The following RTF1 variants were observed in gnomAD, a reference collection of about 807,000 sequenced individuals.
RTF1 encodes the protein RTF1 homolog, Paf1/RNA polymerase II complex component, also known as RNA polymerase-associated protein RTF1 homolog.
Under a neutral mutation model 95.7 loss-of-function variants are expected in RTF1, and 10 were observed. The ratio of observed to expected loss-of-function variants is 0.10; its 90% CI spans 0.06 to 0.18. The LOEUF is 0.18. Ranked by LOEUF, RTF1 falls within the 10% of genes least tolerant of loss-of-function variation. The probability of loss-of-function intolerance (pLI) is 1.00; values close to 1 mark genes in which losing one functional copy is unlikely to be tolerated. For synonymous variants in RTF1, 305 were observed against 311.8 expected, an observed-to-expected ratio of 0.98 and a Z score of 0.23; for missense variants, 458 against 875.6, an observed-to-expected ratio of 0.52 and a Z score of 6.02.
intron 4 of RTF1, among the ~76,000 whole-genome samples, chr15:41,459,725 A>G (rs1192651952): frequency 6.6e-6 from 1 of 152,200 alleles, no homozygotes; most frequent in Non-Finnish European, 1.5e-5. Flanking sequence ...ACTATCCTCT[A>G]GCATGGTTTT....
intron 2 of RTF1, among the ~76,000 whole-genome samples, chr15:41,442,995 G>A (rs1053737743): frequency 3.9e-5 from 6 of 152,034 alleles, no homozygotes; most frequent in South Asian, 2.1e-4. Context: ...CTCTCATACC[G>A]TTTCTTTTCA....
At chr15:41,465,006 A>G (rs1234797045) in intron 5 of RTF1, 121 bp downstream of exon 5, 1 of 1,350,494 alleles carries the variant, frequency 7.4e-7, no homozygotes, top group Non-Finnish European at 9.5e-7. Flanking sequence ...AGTTTATAAG[A>G]CTTGTGACAT....
At chr15:41,442,293 G>A (rs554358976) in intron 2 of RTF1, among the ~76,000 whole-genome samples, 4 of 151,214 alleles carry the variant, frequency 2.6e-5, no homozygotes, top group Non-Finnish European at 5.9e-5. Flanking sequence ...TCAGCCTCCC[G>A]AGCAGCTGGG....
chr15:41,417,708 C>T (rs1475756257), intron 1 of RTF1, among the ~76,000 whole-genome samples: 2 of 152,108 alleles, frequency 1.3e-5, no homozygotes, highest in African/African-American at 4.8e-5. Flanking sequence ...GGAGGAGGTG[C>T]AAGGGTGCGC....
chr15:41,455,458 G>GT lies in RTF1; in HGVS notation c.458-2213dup, dbSNP rs568124900. On this transcript the variant is annotated intron_variant, in intron 3 of 17. Coordinates refer to ENST00000389629, the MANE Select transcript of RTF1 (RefSeq NM_015138.5). ...ACTAAGGAACGGAAAACCAAATATA[G>GT]TATGTTCTCATGTATAAGTGGTGTT... Among the ~76,000 whole-genome samples, 38 of 152,268 alleles carry GT rather than the reference G, an allele frequency of 2.5e-4. No homozygotes were observed. The East Asian group carries it at 5.4e-3, about 22-fold the overall frequency.
Position 41,471,357 on chromosome 15 carries a change from T to A in RTF1, c.1203+8T>A. 6.2e-7 allele frequency: 1 copy of A among 1,603,646 alleles called. No homozygotes were observed. Among genetic ancestry groups the A allele is most frequent in the South Asian group, 1.1e-5 (1 of 88,956 alleles). ...AGCAAACCAGTTTACCGGGTTGGTA[T>A]TTCTTCCCTTGGACAATTGTCCATG... On this transcript the variant is annotated splice_region_variant and intron_variant, in intron 8 of 17. Transcript: ENST00000389629.
At chr15:41,452,281 C>G (rs1319013135) in intron 2 of RTF1, among the ~76,000 whole-genome samples, 1 of 151,820 alleles carries the variant, frequency 6.6e-6, no homozygotes. Flanking sequence ...ACAAAAAATA[C>G]ACAGCTTAGC....
intron 2 of RTF1, among the ~76,000 whole-genome samples, chr15:41,450,814 G>A (rs2050786215): frequency 6.6e-6 from 1 of 151,870 alleles, no homozygotes; most frequent in Non-Finnish European, 1.5e-5. Context: ...AGCTGGGCAT[G>A]ATGGTGCACA....
intron 1 of RTF1, among the ~76,000 whole-genome samples, chr15:41,419,147 C>T (rs1198674501): frequency 1.3e-5 from 2 of 152,046 alleles, no homozygotes; most frequent in Admixed American, 6.6e-5. Context: ...AGTATAATTT[C>T]GACTGTAAAA....
At chr15:41,424,567 C>T (rs149627855) in intron 1 of RTF1, among the ~76,000 whole-genome samples, 7 of 152,162 alleles carry the variant, frequency 4.6e-5, no homozygotes, top group African/African-American at 1.4e-4. Context: ...CTACACTCAG[C>T]AGTAAAAATA....
Position 41,438,436 on chromosome 15 carries a change from G to C in RTF1, c.309+5G>C. The C allele has an allele frequency of 6.5e-7, 1 of 1,543,390 alleles. No homozygotes were observed. Among genetic ancestry groups the C allele is most frequent in the East Asian group, 2.4e-5 (1 of 40,818 alleles). On this transcript the variant is annotated splice_donor_5th_base_variant and intron_variant, in intron 2 of 17. Coordinates refer to ENST00000389629, the MANE Select transcript of RTF1 (RefSeq NM_015138.5). ...ACGTCTGACAGTGACGATGAGGTGG[G>C]TGTGGAGGGCCTCGGCTTCTGGGAC...
chr15:41,417,408 G>C, intron 1 of RTF1, 95 bp downstream of exon 1: 1 of 1,089,688 alleles, frequency 9.2e-7, no homozygotes, highest in Non-Finnish European at 1.2e-6. Flanking sequence ...CTTCCTACCA[G>C]AGCGCCCAGC....
chr15:41,439,332 A>C (rs2050721205), intron 2 of RTF1, among the ~76,000 whole-genome samples: 1 of 150,854 alleles, frequency 6.6e-6, no homozygotes, highest in Non-Finnish European at 1.5e-5. Context: ...CTGCGCCCGG[A>C]CTCTCTTTTT....
intron 1 of RTF1, among the ~76,000 whole-genome samples, chr15:41,424,670 T>A (rs1401361465): frequency 6.6e-6 from 1 of 152,224 alleles, no homozygotes; most frequent in Non-Finnish European, 1.5e-5. Flanking sequence ...AGATGTATAC[T>A]GGGTTGTGAG....
At chr15:41,428,461 G>A (rs2050650195) in intron 1 of RTF1, among the ~76,000 whole-genome samples, 1 of 150,832 alleles carries the variant, frequency 6.6e-6, no homozygotes, top group Admixed American at 6.6e-5. Flanking sequence ...GTAGAGACGG[G>A]GTTTCACTGT....
At chr15:41,469,045 T>G (rs1285051131) in intron 6 of RTF1, among the ~76,000 whole-genome samples, 1 of 152,010 alleles carries the variant, frequency 6.6e-6, no homozygotes, top group Non-Finnish European at 1.5e-5. Flanking sequence ...CTCGGCTCAT[T>G]GCAACCTTCA....
intron 2 of RTF1, among the ~76,000 whole-genome samples, chr15:41,450,054 G>A (rs548048377): frequency 9.2e-5 from 14 of 152,078 alleles, no homozygotes; most frequent in Admixed American, 2.0e-4. Flanking sequence ...AAATTAGCCA[G>A]GTATAGTGGC....
chr15:41,418,084 G>A (rs1211187078), intron 1 of RTF1, among the ~76,000 whole-genome samples: 1 of 152,190 alleles, frequency 6.6e-6, no homozygotes, highest in African/African-American at 2.4e-5. Flanking sequence ...ACTGCAGGAA[G>A]CACTGAAAGT....
intron 8 of RTF1, among the ~76,000 whole-genome samples, chr15:41,471,922 G>A (rs1046057887): frequency 2.0e-5 from 3 of 150,526 alleles, no homozygotes; most frequent in Non-Finnish European, 3.0e-5. Context: ...TTTTTGAGAC[G>A]GAGTCTCATT....
Sources: gnomAD v4.1 joint callset for allele counts (sites outside exome capture counted in the v4.1 genomes callset) on GRCh38, gnomAD v4.1.1 for gene constraint, MANE v1.5 for transcripts, NCBI Gene and HGNC (gene_info 2026-07-23, HGNC 2026-07-21) for gene names.